The following CLCN2 variants were observed in gnomAD, a reference collection of about 807,000 sequenced individuals.
CLCN2 encodes chloride channel protein 2.
CLCN2 carries 72 observed loss-of-function variants against 108.3 expected under a neutral mutation model. That is an observed-to-expected ratio of 0.66 (90% CI 0.55 to 0.81). The LOEUF (loss-of-function observed/expected upper bound fraction) is 0.81, where lower values mean the gene tolerates loss of function less well. Ranked by LOEUF, CLCN2 falls within the 30% of genes least tolerant of loss-of-function variation. The pLI is 0.00. For missense variants in CLCN2, 1,048 were observed against 1,205.2 expected, an observed-to-expected ratio of 0.87 and a Z score of 1.93; for synonymous variants, 471 against 467.1, an observed-to-expected ratio of 1.01 and a Z score of -0.11.
chr3:184,353,794 G>A lies in CLCN2; in HGVS notation c.1723C>T (p.Gln575Ter), dbSNP rs767546174. Residue 575 changes from glutamine to a stop codon, truncating the protein, a stop_gained and splice_region_variant, in exon 16 of 24, where the codon CAG (glutamine) becomes TAG (stop). Coordinates refer to ENST00000265593, the MANE Select transcript of CLCN2 (RefSeq NM_004366.6). LOFTEE classifies it high-confidence loss of function. ...LPELGWGRHQ[Q>*]YRVRVEDIMV... ...ATGTCCTCCACACGCACCCGGTACT[G>A]CCTGGGGGCCGAGAGAGGCGCTTGG... The A allele has an allele frequency of 6.2e-7, 1 of 1,605,264 alleles. No homozygotes were observed. Among genetic ancestry groups the A allele is most frequent in the Non-Finnish European group, 8.5e-7 (1 of 1,176,604 alleles).
At chr3:184,354,854 C>T (rs368217670) in intron 13 of CLCN2, 50 bp downstream of exon 13, 113 of 1,589,898 alleles carry the variant, frequency 7.1e-5, no homozygotes, top group Non-Finnish European at 9.1e-5. Context: ...GGGGGGTGGC[C>T]AGAGGCTGAG....
intron 3 of CLCN2, 161 bp from the exon 4 acceptor site, chr3:184,358,471 A>G (rs1262615421): frequency 9.4e-6 from 11 of 1,166,884 alleles, no homozygotes; most frequent in Non-Finnish European, 1.1e-5. Context: ...ACAAAGCGCA[A>G]TCTAGGCAAG....
At chr3:184,360,249 G>A (rs562861351) in intron 1 of CLCN2, among the ~76,000 whole-genome samples, 311 of 152,148 alleles carry the variant, frequency 2.0e-3, no homozygotes, top group South Asian at 3.5e-3. Flanking sequence ...GATGGTGAAG[G>A]GGGGCGGGAG....
intron 15 of CLCN2, 115 bp from the exon 16 acceptor site, chr3:184,353,910 A>T (rs1728329031): frequency 1.3e-6 from 2 of 1,495,784 alleles, no homozygotes; most frequent in Non-Finnish European, 1.8e-6. Flanking sequence ...GACGGGAGCT[A>T]AGGACCAAGG....
At chr3:184,347,271 G>T in intron 22 of CLCN2, 1 of 565,024 alleles carries the variant, frequency 1.8e-6, no homozygotes, top group Non-Finnish European at 3.2e-6. Context: ...AAATAGGATG[G>T]GGGAGTAATT....
Position 184,355,456 on chromosome 3 carries a change from A to C in CLCN2, c.1244T>G (p.Leu415Arg), listed in dbSNP as rs200815093. The C allele has an allele frequency of 9.4e-5, 151 of 1,613,914 alleles. No individual in the cohort carries two copies. Among genetic ancestry groups the C allele is most frequent in the Non-Finnish European group, 1.3e-5 (15 of 1,179,996 alleles). ...GGCCTGTGAGGTGCTGGGTGGTTCT[A>C]GCTCCTCCACCAGGCCCTGGCGGAC... is the stretch of plus-strand genomic sequence containing the variant. Reference protein sequence around the residue: ...TWVRQGLVEELEPPSTSQAWN... With the variant: ...TWVRQGLVEEREPPSTSQAWN... Residue 415 changes from leucine to arginine, a missense_variant, in exon 12 of 24, where the codon CTA (leucine) becomes CGA (arginine). Leu to Arg is a moderately radical substitution (Grantham distance 102). Coordinates refer to ENST00000265593, the MANE Select transcript of CLCN2 (RefSeq NM_004366.6). The surrounding 1 kb of genome is among the most constrained non-coding windows in gnomAD (Gnocchi z 6.3).
In CLCN2 at chr3:184,354,231, T is replaced by C. The variant is rs1464914241; in HGVS notation, c.1591A>G (p.Ile531Val). ...ATGACGGCGATCATGACAGGCAGGA[T>C]GTGGGCAATCTGGCCTGTGAGCTCG... Reference protein sequence around the residue: ...VFELTGQIAHILPVMIAVILA... With the variant: ...VFELTGQIAHVLPVMIAVILA... Residue 531 changes from isoleucine (I) to valine (V), a missense_variant, in exon 15 of 24, where the codon ATC (isoleucine) becomes GTC (valine). Coordinates refer to ENST00000265593, the MANE Select transcript of CLCN2 (RefSeq NM_004366.6). The C allele has an allele frequency of 6.2e-7, 1 of 1,613,096 alleles. No homozygotes were observed. Among genetic ancestry groups the C allele is most frequent in the Non-Finnish European group, 8.5e-7 (1 of 1,179,912 alleles).
intron 20 of CLCN2, 54 bp from the exon 21 acceptor site, chr3:184,352,385 T>C: frequency 6.2e-7 from 1 of 1,613,240 alleles, no homozygotes; most frequent in Non-Finnish European, 8.5e-7. Flanking sequence ...TTATCCAGCC[T>C]AGACCCTGCC....
rs199948879 is a variant in CLCN2 at position 184,354,669 on chromosome 3, G to C, written c.1397-11C>G. 4,233 of 1,465,602 alleles carry C rather than the reference G, an allele frequency of 2.9e-3. 14 individuals are homozygous for C. The highest frequency in any genetic ancestry group is 3.6e-3 in the Non-Finnish European group (3,900 of 1,076,116). The allele number at this position is 1,465,602 out of a possible 1,614,324, so 90.8% of individuals were successfully genotyped here. A position where few individuals can be genotyped will look rare whatever the true frequency, so the allele number is the denominator to read the frequency against. On this transcript the variant is annotated splice_polypyrimidine_tract_variant and intron_variant, in intron 13 of 23. Transcript: ENST00000265593. ...GCCCAAATGCTGCTCCTTCAGGGAG[G>C]GGGGTGGGAAGAGAAAGAGGCAGTG...
At chr3:184,354,489 C>T in intron 14 of CLCN2, 59 bp downstream of exon 14, 2 of 1,381,882 alleles carry the variant, frequency 1.4e-6, no homozygotes, top group Non-Finnish European at 2.0e-6. Context: ...GTCTCGGACC[C>T]TGTGGCTGGG....
chr3:184,351,380 G>A (rs1177203508), intron 22 of CLCN2, among the ~76,000 whole-genome samples: 1 of 152,176 alleles, frequency 6.6e-6, no homozygotes, highest in East Asian at 1.9e-4. Context: ...CTCCTCTGGG[G>A]TCTGCCTCGC....
intron 22 of CLCN2, among the ~76,000 whole-genome samples, chr3:184,349,744 C>T (rs77037281): frequency 0.028 from 4,239 of 152,208 alleles, 194 homozygotes; most frequent in African/African-American, 0.095. Context: ...TTTTACAGAT[C>T]GGGAAAGTGA....
intron 13 of CLCN2, 45 bp from the exon 14 acceptor site, chr3:184,354,703 G>T: frequency 6.9e-7 from 1 of 1,441,726 alleles, no homozygotes; most frequent in Non-Finnish European, 9.7e-7. Context: ...TGGAGGGGGA[G>T]GGCAGGGGGC....
In CLCN2 at chr3:184,347,270, G is replaced by A. The variant is rs879225843; in HGVS notation, c.2416-249C>T. The A allele has an allele frequency of 1.4e-5, 8 of 565,960 alleles. No homozygotes were observed. The Admixed American group carries it at 1.4e-4, about 10-fold the overall frequency. 35.1% of individuals were successfully genotyped at this position (565,960 alleles called of 1,614,324 possible). A position where few individuals can be genotyped will look rare whatever the true frequency, so the allele number is the denominator to read the frequency against. On this transcript the variant is annotated intron_variant, in intron 22 of 23. Coordinates refer to ENST00000265593, the MANE Select transcript of CLCN2 (RefSeq NM_004366.6). ...GCTTACACTGACGGAGAAATAGGAT[G>A]GGGGAGTAATTCTTAGTCCCATGTT...
rs200095202 is a variant in CLCN2 at position 184,352,757 on chromosome 3, G to C, written c.2197C>G (p.Pro733Ala). 1.7e-5 allele frequency: 28 copies of C among 1,613,194 alleles called. No homozygotes were observed. Among genetic ancestry groups the C allele is most frequent in the Non-Finnish European group, 2.4e-5 (28 of 1,179,994 alleles). Residue 733 changes from proline to alanine, a missense_variant, in exon 19 of 24, where the codon CCC becomes GCC. Transcript: ENST00000265593. ...ALRSLFCGSP[P>A]PEAASEKLES... Reference sequence around the variant, plus strand: ...CTCACCTCCGAAGCAGCCTCAGGGGGTGGACTGCCACAGAAGAGGCTCCGG... The same window carrying C: ...CTCACCTCCGAAGCAGCCTCAGGGGCTGGACTGCCACAGAAGAGGCTCCGG...
At position 184,358,987 on chromosome 3, in the gene CLCN2, C is replaced by T. The variant is rs762051878; in HGVS notation, c.208G>A (p.Ala70Thr). 31 of 1,613,434 alleles carry T rather than the reference C, an allele frequency of 1.9e-5. No homozygotes were observed. Among genetic ancestry groups the T allele is most frequent in the Admixed American group, 8.3e-5 (5 of 60,010 alleles). ...ELLEYGRSRC[A>T]RCRVCSVRCH... ...CCCCAGTTCTCACCGCGGCATCGGG[C>T]GCAACGGCTCCGTCCATATTCCAAG... Residue 70 changes from alanine (A) to threonine (T), a missense_variant, in exon 2 of 24, where the codon GCC becomes ACC. Ala to Thr is a moderately conservative substitution (Grantham distance 58, BLOSUM62 0). Transcript: ENST00000265593.
intron 15 of CLCN2, 79 bp downstream of exon 15, chr3:184,354,022 T>C: frequency 6.7e-7 from 1 of 1,486,500 alleles, no homozygotes; most frequent in Non-Finnish European, 9.3e-7. Flanking sequence ...TCCAGGACCT[T>C]GCTAGAGGTG....
At chr3:184,350,481 G>T (rs1481223277) in intron 22 of CLCN2, among the ~76,000 whole-genome samples, 6 of 151,886 alleles carry the variant, frequency 4.0e-5, no homozygotes, top group African/African-American at 7.3e-5. Context: ...TGTCACCCAT[G>T]CTGGAGTGCA....
Position 184,355,092 on chromosome 3 carries a change from C to T in CLCN2, c.1327-119G>A, listed in dbSNP as rs549806169. 4.4e-5 allele frequency: 44 copies of T among 1,001,506 alleles called. No individual in the cohort carries two copies. Among genetic ancestry groups the T allele is most frequent in the Admixed American group, 1.4e-4 (7 of 50,944 alleles). 62.0% of individuals were successfully genotyped at this position (1,001,506 alleles called of 1,614,324 possible). On this transcript the variant is annotated intron_variant, in intron 12 of 23. Transcript: ENST00000265593. The surrounding 1 kb of genome is among the most constrained non-coding windows in gnomAD (Gnocchi z 6.3). Reference sequence around the variant, plus strand: ...GTGGGCGTAACCCTCCCAGCCACCCCGTAACCCTCCTAGCTACCCTGGGAC... The same window carrying T: ...GTGGGCGTAACCCTCCCAGCCACCCTGTAACCCTCCTAGCTACCCTGGGAC...
Sources: allele counts gnomAD v4.1 joint callset (sites outside exome capture counted in the v4.1 genomes callset), GRCh38; gene constraint gnomAD v4.1.1; non-coding constraint Gnocchi (gnomAD v3.1); transcripts MANE v1.5; gene names NCBI Gene and HGNC (gene_info 2026-07-23, HGNC 2026-07-21).